The following KIAA1549L variants were observed in gnomAD, a reference collection of about 807,000 sequenced individuals.
The protein encoded by KIAA1549L is UPF0606 protein KIAA1549L.
In KIAA1549L, 88 loss-of-function variants were observed where a neutral mutation model predicts 160.7. That is an observed-to-expected ratio of 0.55 (90% CI 0.46 to 0.65). The LOEUF (loss-of-function observed/expected upper bound fraction) is 0.65, where lower values mean the gene tolerates loss of function less well. Ranked by LOEUF, KIAA1549L falls within the 30% of genes least tolerant of loss-of-function variation. The probability of loss-of-function intolerance (pLI) is 0.00; values close to 1 mark genes in which losing one functional copy is unlikely to be tolerated. For missense variants in KIAA1549L, 2,258 were observed against 2,437.5 expected, an observed-to-expected ratio of 0.93 and a Z score of 1.55; for synonymous variants, 950 against 976.7, an observed-to-expected ratio of 0.97 and a Z score of 0.51.
At chr11:33,482,822 A>T (rs899234845) in intron 1 of KIAA1549L, among the ~76,000 whole-genome samples, 1 of 151,818 alleles carries the variant, frequency 6.6e-6, no homozygotes, top group Admixed American at 6.6e-5. Context: ...CACCCGCCTC[A>T]CCTCCTAAAG....
chr11:33,492,906 G>T (rs1457665582), intron 1 of KIAA1549L, among the ~76,000 whole-genome samples: 1 of 152,144 alleles, frequency 6.6e-6, no homozygotes, highest in African/African-American at 2.4e-5. Flanking sequence ...CAGTACTAAT[G>T]TGGAGGGAGG....
rs182815747 is a variant in KIAA1549L at position 33,607,933 on chromosome 11, T to C, written c.5061+1111T>C. ...GAGCACTTCTCTTTCAGCCTCTTCA[T>C]TTTTTAAACCAAGAAGCTGAAGCTT... On this transcript the variant is annotated intron_variant, in intron 14 of 20. Coordinates refer to ENST00000658780, the MANE Select transcript of KIAA1549L (RefSeq NM_012194.3). Among the ~76,000 whole-genome samples the C allele has an allele frequency of 2.6e-5, 4 of 152,308 alleles. No individual in the cohort carries two copies. The East Asian group carries it at 5.8e-4, about 22-fold the overall frequency.
intron 1 of KIAA1549L, among the ~76,000 whole-genome samples, chr11:33,498,739 T>C (rs764114165): frequency 2.0e-5 from 3 of 152,200 alleles, no homozygotes; most frequent in Non-Finnish European, 4.4e-5. Flanking sequence ...CACATCTTGA[T>C]GAAGTGTATG....
intron 1 of KIAA1549L, among the ~76,000 whole-genome samples, chr11:33,475,921 C>A (rs1454296919): frequency 6.6e-6 from 1 of 152,258 alleles, no homozygotes; most frequent in South Asian, 2.1e-4. Flanking sequence ...CCCAACTCCC[C>A]CCAGGTTGGG....
chr11:33,637,840 G>A (rs1384664820), intron 16 of KIAA1549L, among the ~76,000 whole-genome samples: 4 of 152,160 alleles, frequency 2.6e-5, no homozygotes, highest in African/African-American at 4.8e-5. Flanking sequence ...GTGTGAAGGC[G>A]CCATCTCCAA....
chr11:33,651,457 A>AG (rs1851882304), intron 17 of KIAA1549L, among the ~76,000 whole-genome samples: 1 of 144,414 alleles, frequency 6.9e-6, no homozygotes, highest in Non-Finnish European at 1.5e-5. Flanking sequence ...AAAAAAAAAA[A>AG]GAATTGGCTC....
intron 1 of KIAA1549L, among the ~76,000 whole-genome samples, chr11:33,424,893 G>C (rs1363979302): frequency 6.6e-6 from 1 of 152,160 alleles, no homozygotes; most frequent in Non-Finnish European, 1.5e-5. Context: ...GTTGGGAGAG[G>C]TGCTGCCTTT....
rs144083743 is a variant in KIAA1549L at position 33,406,383 on chromosome 11, G to A, written c.238+29494G>A. On this transcript the variant is annotated intron_variant, in intron 1 of 20. Transcript: ENST00000658780. ...GCGACTTATGCTTCACACGTGCACG[G>A]GCCATATGGCAACACCAGTGTGCAT... Among the ~76,000 whole-genome samples the A allele has an allele frequency of 7.1e-4, 108 of 152,286 alleles. 1 individual carries two copies. Among genetic ancestry groups the A allele is most frequent in the African/African-American group, 2.5e-3 (103 of 41,558 alleles).
intron 1 of KIAA1549L, among the ~76,000 whole-genome samples, chr11:33,439,643 C>G (rs2132942090): frequency 6.7e-6 from 1 of 148,394 alleles, no homozygotes; most frequent in East Asian, 2.0e-4. Flanking sequence ...GATCTCCTGA[C>G]CTCGTGATCC....
chr11:33,400,369 A>G (rs181842191), intron 1 of KIAA1549L, among the ~76,000 whole-genome samples: 30 of 152,318 alleles, frequency 2.0e-4, no homozygotes, highest in Admixed American at 1.0e-3. Flanking sequence ...GAACTGGGCT[A>G]TCAAATTTAG....
chr11:33,513,705 G>A (rs957169252), intron 1 of KIAA1549L, among the ~76,000 whole-genome samples: 1 of 152,318 alleles, frequency 6.6e-6, no homozygotes, highest in South Asian at 2.1e-4. Context: ...TCTGACGGCT[G>A]TGAGGCCAGA....
chr11:33,545,500 T>C, intron 3 of KIAA1549L, 122 bp downstream of exon 3: 2 of 1,202,676 alleles, frequency 1.7e-6, no homozygotes, highest in Non-Finnish European at 2.3e-6. Context: ...CCCAGGGACA[T>C]TTGGCTATGT....
chr11:33,428,803 C>T (rs1389495725), intron 1 of KIAA1549L, among the ~76,000 whole-genome samples: 4 of 152,138 alleles, frequency 2.6e-5, no homozygotes, highest in Non-Finnish European at 2.9e-5. Context: ...TATAATCCCT[C>T]GGGTATATAC....
intron 12 of KIAA1549L, among the ~76,000 whole-genome samples, chr11:33,598,592 G>GAACT (rs1180824769): frequency 1.3e-5 from 2 of 152,182 alleles, no homozygotes; most frequent in African/African-American, 4.8e-5. Flanking sequence ...TGCGCTCACT[G>GAACT]AACTCTATGG....
intron 1 of KIAA1549L, among the ~76,000 whole-genome samples, chr11:33,387,211 G>A (rs1258572706): frequency 6.6e-6 from 1 of 152,160 alleles, no homozygotes. Flanking sequence ...AGGCCCGTGA[G>A]CTTACAGATG....
chr11:33,442,594 T>C (rs1036789345), intron 1 of KIAA1549L, among the ~76,000 whole-genome samples: 2 of 152,246 alleles, frequency 1.3e-5, no homozygotes, highest in African/African-American at 2.4e-5. Context: ...TATACTCTTC[T>C]TGATTTTGCT....
intron 1 of KIAA1549L, among the ~76,000 whole-genome samples, chr11:33,524,413 G>A (rs1293252839): frequency 6.6e-6 from 1 of 151,802 alleles, no homozygotes; most frequent in East Asian, 1.9e-4. Context: ...ACCCAAAGAG[G>A]TCTTTTGAAC....
intron 15 of KIAA1549L, among the ~76,000 whole-genome samples, chr11:33,616,812 A>G (rs574830806): frequency 6.6e-6 from 1 of 152,270 alleles, no homozygotes; most frequent in Non-Finnish European, 1.5e-5. Flanking sequence ...CCTTCAACCC[A>G]TGAATAGCTA....
At position 33,541,979 on chromosome 11, in the gene KIAA1549L, G is replaced by A. The variant is rs565128149; in HGVS notation, c.416G>A (p.Arg139Gln). Residue 139 changes from arginine to glutamine, a missense_variant, in exon 2 of 21, where the codon CGA (arginine) becomes CAA (glutamine). This residue lies in a region of KIAA1549L where 540 missense variants were observed against 465.7 expected (regional missense o/e 1.16). Transcript: ENST00000658780. ...SDNTSLPQSA[R>Q]TPASKTHHRT... ...AACACAAGCTTGCCACAGTCAGCCC[G>A]AACCCCTGCGTCCAAGACACACCAC... The A allele has an allele frequency of 8.5e-5, 35 of 411,268 alleles. 1 individual carries two copies. Among genetic ancestry groups the A allele is most frequent in the South Asian group, 2.8e-4 (16 of 57,778 alleles). 25.5% of individuals were successfully genotyped at this position (411,268 alleles called of 1,614,324 possible). A position where few individuals can be genotyped will look rare whatever the true frequency, so the allele number is the denominator to read the frequency against.
Sources: gnomAD v4.1 joint callset for allele counts (sites outside exome capture counted in the v4.1 genomes callset) on GRCh38, gnomAD v4.1.1 for gene constraint, gnomAD v4.1.1 regional missense constraint, MANE v1.5 for transcripts, NCBI Gene and HGNC (gene_info 2026-07-23, HGNC 2026-07-21) for gene names.